AHR: variants seen among roughly 807,000 people sequenced by gnomAD.
The protein encoded by AHR is AH-receptor.
AHR carries 40 observed loss-of-function variants against 86.8 expected under a neutral mutation model. The ratio of observed to expected loss-of-function variants is 0.46; its 90% CI spans 0.36 to 0.60. The LOEUF is 0.60. Ranked by LOEUF, AHR falls within the 20% of genes least tolerant of loss-of-function variation. The probability of loss-of-function intolerance (pLI) is 0.00; values close to 1 mark genes in which losing one functional copy is unlikely to be tolerated. For synonymous variants in AHR, 398 were observed against 354.9 expected (o/e 1.12, Z -1.37); for missense variants, 1,001 against 1,011.6 (o/e 0.99, Z 0.14).
intron 2 of AHR, among the ~76,000 whole-genome samples, chr7:17,312,202 T>G (rs190752438): frequency 5.3e-5 from 8 of 152,226 alleles, no homozygotes; most frequent in African/African-American, 1.9e-4. Flanking sequence ...GGTGGCAGAT[T>G]CTGTGATGTG....
At chr7:17,331,693 T>C (rs1194278194) in intron 6 of AHR, among the ~76,000 whole-genome samples, 1 of 151,976 alleles carries the variant, frequency 6.6e-6, no homozygotes, top group African/African-American at 2.4e-5. Context: ...GATGCTGTTT[T>C]CTTGTTACAA....
At chr7:17,334,560 C>T (rs1400999035) in intron 7 of AHR, among the ~76,000 whole-genome samples, 1 of 151,890 alleles carries the variant, frequency 6.6e-6, no homozygotes, top group Admixed American at 6.6e-5. Flanking sequence ...ACCTTCTTCC[C>T]TAAAAATAGA....
chr7:17,312,226 C>T (rs1014985289), intron 2 of AHR, among the ~76,000 whole-genome samples: 5 of 152,118 alleles, frequency 3.3e-5, no homozygotes, highest in Non-Finnish European at 7.4e-5. Flanking sequence ...GACGTGGTTG[C>T]CACCCTTAGA....
At chr7:17,315,773 A>C (rs1421597998) in intron 2 of AHR, among the ~76,000 whole-genome samples, 1 of 151,724 alleles carries the variant, frequency 6.6e-6, no homozygotes, top group Admixed American at 6.6e-5. Context: ...AATTATATTA[A>C]AATCTGAAGA....
chr7:17,320,984 T>A (rs1782166577), intron 2 of AHR, among the ~76,000 whole-genome samples: 1 of 152,124 alleles, frequency 6.6e-6, no homozygotes, highest in Admixed American at 6.6e-5. Context: ...ACTGCAAATA[T>A]GAAAGACTGC....
chr7:17,332,728 G>A (rs573867381), intron 6 of AHR, among the ~76,000 whole-genome samples: 1 of 152,040 alleles, frequency 6.6e-6, no homozygotes, highest in South Asian at 2.1e-4. Flanking sequence ...AGTAAACTGT[G>A]CTGGGATTAC....
intron 1 of AHR, among the ~76,000 whole-genome samples, chr7:17,305,284 C>T (rs1781994252): frequency 6.6e-6 from 1 of 152,174 alleles, no homozygotes; most frequent in African/African-American, 2.4e-5. Context: ...GTGTCACCTC[C>T]ATTACATTAA....
intron 4 of AHR, among the ~76,000 whole-genome samples, chr7:17,328,914 T>G (rs768859763): frequency 1.3e-5 from 2 of 151,966 alleles, no homozygotes; most frequent in Non-Finnish European, 2.9e-5. Flanking sequence ...TACCACAAAG[T>G]CTAAACTCCT....
chr7:17,330,392 T>C (rs1038156750), intron 5 of AHR, among the ~76,000 whole-genome samples: 1 of 151,946 alleles, frequency 6.6e-6, no homozygotes, highest in Non-Finnish European at 1.5e-5. Flanking sequence ...ATGTAAATTA[T>C]TGTGTTTAAA....
chr7:17,319,407 G>A (rs912751764), intron 2 of AHR, among the ~76,000 whole-genome samples: 9 of 152,160 alleles, frequency 5.9e-5, no homozygotes, highest in African/African-American at 1.9e-4. Context: ...CACACACTGA[G>A]GTCTGGCTAC....
rs1157814442 is a variant in AHR at position 17,299,280 on chromosome 7, G to A, written c.16G>A (p.Ala6Thr). The change falls in exon 1 of 11, where the codon GCC becomes ACC. Residue 6 changes from alanine to threonine, a missense_variant. Physicochemically the swap from Ala to Thr is moderately conservative, Grantham distance 58. Transcript: ENST00000242057. ...GCTGGGCACCATGAACAGCAGCAGC[G>A]CCAACATCACCTACGCCAGTCGCAA... MNSSS[A>T]NITYASRKRR... 6.2e-7 allele frequency: 1 copy of A among 1,612,162 alleles called. No homozygotes were observed. Among genetic ancestry groups the A allele is most frequent in the Non-Finnish European group, 8.5e-7 (1 of 1,179,614 alleles).
chr7:17,338,808 T>C (rs1417256078), intron 9 of AHR, among the ~76,000 whole-genome samples, 178 bp from the exon 10 acceptor site: 1 of 152,158 alleles, frequency 6.6e-6, no homozygotes, highest in African/African-American at 2.4e-5. Context: ...TAAATATGCT[T>C]GTCTGAAAAA....
chr7:17,301,200 A>G (rs1026788081), intron 1 of AHR, among the ~76,000 whole-genome samples: 1 of 152,054 alleles, frequency 6.6e-6, no homozygotes, highest in South Asian at 2.1e-4. Context: ...AAATATTACC[A>G]GCTTGCTCTG....
chr7:17,324,693 C>A (rs1338027043), intron 3 of AHR, among the ~76,000 whole-genome samples: 2 of 151,470 alleles, frequency 1.3e-5, no homozygotes, highest in South Asian at 2.1e-4. Flanking sequence ...TCCTAGATAC[C>A]CAGGAGGCTG....
chr7:17,326,506 T>G (rs1212113929), intron 3 of AHR, among the ~76,000 whole-genome samples: 1 of 152,182 alleles, frequency 6.6e-6, no homozygotes, highest in African/African-American at 2.4e-5. Context: ...TCACTATTAT[T>G]TATATAGCTC....
In AHR at chr7:17,333,352, T is replaced by C. The variant is rs529087154; in HGVS notation, c.706-560T>C. 7.2e-5 allele frequency among the ~76,000 whole-genome samples: 11 copies of C among 152,100 alleles called. No homozygotes were observed. The South Asian group carries it at 2.3e-3, about 32-fold the overall frequency. On this transcript the variant is annotated intron_variant, in intron 6 of 10. Transcript: ENST00000242057. ...GCAATTAAATATATCATGTTCATGTTTAAGTGCCTTTGTTTTCCCTGTCTT... is the reference window on the plus strand; with the variant it reads ...GCAATTAAATATATCATGTTCATGTCTAAGTGCCTTTGTTTTCCCTGTCTT...
rs1781924849 is a variant in AHR, at chr7:17,299,120, G to A, written c.-145G>A. The A allele has an allele frequency of 3.6e-6, 3 of 832,838 alleles. No homozygotes were observed. The highest frequency in any genetic ancestry group is 5.2e-6 in the Non-Finnish European group (3 of 578,920). The allele number at this position is 832,838 out of a possible 1,614,324, so 51.6% of individuals were successfully genotyped here. ...CGAGGCGTTGAGGCGCGGCGCCCAC[G>A]CCACTGTCCCGAGAGGACGCAGGTG... On this transcript the variant is annotated 5_prime_UTR_variant, in exon 1 of 11. Transcript: ENST00000242057.
intron 4 of AHR, among the ~76,000 whole-genome samples, chr7:17,329,078 T>G (rs1202258639): frequency 6.6e-6 from 1 of 151,946 alleles, no homozygotes; most frequent in Non-Finnish European, 1.5e-5. Flanking sequence ...TCCATTTTTT[T>G]CTCGCATATA....
chr7:17,330,723 A>G lies in AHR; in HGVS notation c.575-33A>G, dbSNP rs770133805. On this transcript the variant is annotated intron_variant, in intron 5 of 10. Coordinates refer to ENST00000242057, the MANE Select transcript of AHR (RefSeq NM_001621.5). ...AGTGCTTAATTTTACAGCAAAATGG[A>G]AAGTAAATTTTGTTTTGCCTTTATT... The G allele has an allele frequency of 7.9e-6, 12 of 1,524,602 alleles. No individual in the cohort carries two copies. The African/African-American group carries it at 1.5e-4, about 19-fold the overall frequency. The allele number at this position is 1,524,602 out of a possible 1,614,324, so 94.4% of individuals were successfully genotyped here.
Sources: gnomAD v4.1 joint callset for allele counts (sites outside exome capture counted in the v4.1 genomes callset) on GRCh38, gnomAD v4.1.1 for gene constraint, MANE v1.5 for transcripts, NCBI Gene and HGNC (gene_info 2026-07-23, HGNC 2026-07-21) for gene names.